Variants in TENM2 observed in about 807,000 individuals in gnomAD.
The protein encoded by TENM2 is teneurin transmembrane protein 2.
A neutral mutation model predicts 245.2 loss-of-function variants in TENM2; 52 were observed. That is an observed-to-expected ratio of 0.21 (90% CI 0.17 to 0.27). The LOEUF is 0.27. Ranked by LOEUF, TENM2 falls within the 10% of genes least tolerant of loss-of-function variation. The probability of loss-of-function intolerance (pLI) is 1.00; values close to 1 mark genes in which losing one functional copy is unlikely to be tolerated. For synonymous variants in TENM2, 1,363 were observed against 1,438.9 expected, an observed-to-expected ratio of 0.95 and a Z score of 1.19; for missense variants, 3,046 against 3,666.8, an observed-to-expected ratio of 0.83 and a Z score of 4.37.
At chr5:167,962,514 T>C (rs1280775543) in intron 4 of TENM2, among the ~76,000 whole-genome samples, 3 of 152,222 alleles carry the variant, frequency 2.0e-5, no homozygotes, top group Non-Finnish European at 2.9e-5. Context: ...TGATGAAATG[T>C]ATGATTCTGT....
intron 2 of TENM2, among the ~76,000 whole-genome samples, chr5:167,868,160 G>C (rs1443045499): frequency 6.6e-6 from 1 of 152,116 alleles, no homozygotes; most frequent in African/African-American, 2.4e-5. Context: ...GTGGGAAGTT[G>C]TCCTGTGCAT....
At chr5:167,026,039 C>T in the TENM2 span, among the ~76,000 whole-genome samples, 11 of 152,124 alleles carry the variant, frequency 7.2e-5, no homozygotes, top group African/African-American at 2.7e-4. Context: ...TTATTTTGTT[C>T]ATGAAGCTCC....
chr5:167,895,415 A>C (rs2151485514), intron 3 of TENM2, among the ~76,000 whole-genome samples: 1 of 152,340 alleles, frequency 6.6e-6, no homozygotes, highest in Non-Finnish European at 1.5e-5. Flanking sequence ...TCCTTTCATT[A>C]ATGAAGGAAA....
intron 2 of TENM2, among the ~76,000 whole-genome samples, chr5:167,514,496 G>T (rs527238274): frequency 1.3e-5 from 2 of 152,272 alleles, no homozygotes; most frequent in South Asian, 4.1e-4. Flanking sequence ...TTCGAAACTT[G>T]GTTAGAAATA....
intron 2 of TENM2, among the ~76,000 whole-genome samples, chr5:167,572,731 G>A (rs1239318105): frequency 6.6e-6 from 1 of 152,272 alleles, no homozygotes; most frequent in East Asian, 1.9e-4. Context: ...GAAACAATTT[G>A]AATTGGGAAA....
the TENM2 span, among the ~76,000 whole-genome samples, chr5:167,273,550 T>G: frequency 6.6e-6 from 1 of 152,210 alleles, no homozygotes; most frequent in Non-Finnish European, 1.5e-5. Flanking sequence ...TTCAACTGTA[T>G]TAGGATTAAG....
intron 13 of TENM2, among the ~76,000 whole-genome samples, chr5:168,166,653 G>T (rs569096621): frequency 1.3e-5 from 2 of 152,182 alleles, no homozygotes. Context: ...CAGTGCTGAC[G>T]CAGGGGACGC....
At chr5:167,370,231 A>G (rs932461381) in intron 1 of TENM2, among the ~76,000 whole-genome samples, 1 of 150,170 alleles carries the variant, frequency 6.7e-6, no homozygotes, top group African/African-American at 2.5e-5. Flanking sequence ...AGTCCCAGCT[A>G]CTCGGGAGGC....
the TENM2 span, among the ~76,000 whole-genome samples, chr5:167,191,183 C>A: frequency 6.6e-6 from 1 of 152,018 alleles, no homozygotes; most frequent in Non-Finnish European, 1.5e-5. Flanking sequence ...TATATATATA[C>A]ACCCACATAA....
chr5:167,074,153 C>A, the TENM2 span, among the ~76,000 whole-genome samples: 153 of 152,278 alleles, frequency 1.0e-3, 1 homozygote, highest in Middle Eastern at 3.4e-3. Context: ...TTAGCTAGAA[C>A]ATCAGCTACA....
At chr5:167,941,061 C>T (rs954157683) in intron 3 of TENM2, among the ~76,000 whole-genome samples, 1 of 152,160 alleles carries the variant, frequency 6.6e-6, no homozygotes, top group African/African-American at 2.4e-5. Context: ...GTTTCAGTAA[C>T]CCAAGAAGCC....
chr5:168,072,800 A>G (rs1016342053), intron 7 of TENM2, among the ~76,000 whole-genome samples: 3 of 152,222 alleles, frequency 2.0e-5, no homozygotes, highest in Non-Finnish European at 4.4e-5. Flanking sequence ...GAATCAATCA[A>G]TCTAACTGGC....
intron 3 of TENM2, among the ~76,000 whole-genome samples, chr5:167,877,980 T>A (rs1283975695): frequency 6.6e-6 from 1 of 152,228 alleles, no homozygotes; most frequent in Non-Finnish European, 1.5e-5. Flanking sequence ...TGCTGATAGC[T>A]TTTTAAAAAC....
At chr5:167,202,692 T>C in the TENM2 span, among the ~76,000 whole-genome samples, 6 of 152,126 alleles carry the variant, frequency 3.9e-5, no homozygotes, top group South Asian at 1.3e-3. Flanking sequence ...GAGTACAAAA[T>C]CCTGAGATCC....
chr5:167,211,371 T>C, the TENM2 span, among the ~76,000 whole-genome samples: 2 of 152,228 alleles, frequency 1.3e-5, no homozygotes, highest in East Asian at 3.8e-4. Context: ...GAAACACTTT[T>C]ATACTACTTG....
intron 9 of TENM2, among the ~76,000 whole-genome samples, chr5:168,104,610 C>T (rs1187840795): frequency 1.3e-5 from 2 of 152,202 alleles, no homozygotes; most frequent in Non-Finnish European, 2.9e-5. Context: ...CTGCGCCTCC[C>T]GTGCCCTCAG....
At chr5:168,140,755 T>C (rs1755472328) in intron 12 of TENM2, among the ~76,000 whole-genome samples, 1 of 152,220 alleles carries the variant, frequency 6.6e-6, no homozygotes, top group Non-Finnish European at 1.5e-5. Flanking sequence ...TTTGTGCTGC[T>C]TGGGAACCCT....
chr5:168,059,320 C>CACAAA (rs1562107662), intron 6 of TENM2, among the ~76,000 whole-genome samples: 1 of 152,204 alleles, frequency 6.6e-6, no homozygotes, highest in Non-Finnish European at 1.5e-5. Flanking sequence ...ATTCAGGTTT[C>CACAAA]CACAGTAGAT....
Position 168,238,180 on chromosome 5 carries a change from AGAGAGGGAGGGAGG to A in TENM2, c.5521-6236_5521-6223del, listed in dbSNP as rs1303366694. Among the ~76,000 whole-genome samples, 74 of 61,564 alleles carry A rather than the reference AGAGAGGGAGGGAGG, an allele frequency of 1.2e-3. 5 individuals carry two copies. Among genetic ancestry groups the A allele is most frequent in the East Asian group, 3.3e-3 (3 of 920 alleles). The allele number at this position is 61,564 out of a possible 152,430, so 40.4% of individuals were successfully genotyped here. Reference sequence around the variant, plus strand: ...GAAAGAGAGAGAGAGAGAGAGAGAGAGAGAGGGAGGGAGGGAGGGAGGGAGGGAGGGAGGGAGAG... The same window carrying A: ...GAAAGAGAGAGAGAGAGAGAGAGAGAGAGGGAGGGAGGGAGGGAGGGAGAG... On this transcript the variant is annotated intron_variant, in intron 25 of 28. Coordinates refer to ENST00000518659, the Ensembl canonical transcript of TENM2.
Sources: gnomAD v4.1 joint callset for allele counts (sites outside exome capture counted in the v4.1 genomes callset) on GRCh38, gnomAD v4.1.1 for gene constraint, MANE v1.5 for transcripts, NCBI Gene and HGNC (gene_info 2026-07-23, HGNC 2026-07-21) for gene names.